Variants in MME observed in about 807,000 individuals in gnomAD.
MME encodes neprilysin.
A neutral mutation model predicts 113.2 loss-of-function variants in MME; 98 were observed. The observed-to-expected ratio is 0.87, with a 90% CI of 0.74 to 1.02. The LOEUF is 1.02. Among genes scored for constraint, MME ranks in the 50% least tolerant of loss-of-function variants. The probability of loss-of-function intolerance (pLI) is 0.00; values close to 1 mark genes in which losing one functional copy is unlikely to be tolerated. For missense variants in MME, 836 were observed against 896.0 expected (o/e 0.93, Z 0.86); for synonymous variants, 292 against 300.6 (o/e 0.97, Z 0.30).
chr3:155,072,167 C>CAAAAAAAAAAA (rs71155031), intron 1 of MME, among the ~76,000 whole-genome samples: 1 of 65,072 alleles, frequency 1.5e-5, no homozygotes, highest in East Asian at 5.5e-4. Flanking sequence ...GACTCCGTCT[C>CAAAAAAAAAAA]AAAAAAAAAA....
At position 155,048,504 on chromosome 3, in the gene MME, T is replaced by C. The variant is rs141234582; in HGVS notation, c.-11+24180T>C. On this transcript the variant is annotated intron_variant, in intron 1 of 22. Coordinates refer to the MME transcript ENST00000492661. ...TTTTGGCATTTGTTTAATGATACCTTTTGTACTTAAATGACAACAAATCTT... is the reference window on the plus strand; with the variant it reads ...TTTTGGCATTTGTTTAATGATACCTCTTGTACTTAAATGACAACAAATCTT... 3.4e-3 allele frequency among the ~76,000 whole-genome samples: 514 copies of C among 152,318 alleles called. 5 individuals are homozygous for C. Among genetic ancestry groups the C allele is most frequent in the African/African-American group, 0.011 (473 of 41,582 alleles).
At chr3:155,130,718 A>T (rs1720079264) in intron 8 of MME, among the ~76,000 whole-genome samples, 1 of 152,186 alleles carries the variant, frequency 6.6e-6, no homozygotes, top group African/African-American at 2.4e-5. Flanking sequence ...TGGAACTGGG[A>T]TTAAACAAGA....
chr3:155,062,780 C>T (rs1032432476), intron 1 of MME, among the ~76,000 whole-genome samples: 6 of 151,802 alleles, frequency 4.0e-5, no homozygotes, highest in Admixed American at 6.6e-5. Context: ...ATTGACTGGG[C>T]GCAGTGGCTC....
chr3:155,089,698 T>A, intron 3 of MME: 1 of 286,138 alleles, frequency 3.5e-6, no homozygotes, highest in South Asian at 3.0e-5. Context: ...CTGAATATGT[T>A]GCCTTATATG....
intron 8 of MME, among the ~76,000 whole-genome samples, chr3:155,119,108 C>A (rs1025613428): frequency 3.3e-5 from 5 of 152,108 alleles, no homozygotes; most frequent in Admixed American, 3.3e-4. Flanking sequence ...TTTAATCCAC[C>A]TGTAAACTGC....
chr3:155,087,754 T>G (rs929830966), intron 3 of MME, among the ~76,000 whole-genome samples: 2 of 152,200 alleles, frequency 1.3e-5, no homozygotes, highest in African/African-American at 2.4e-5. Context: ...AACTGGATTT[T>G]TTGACTAGGT....
intron 8 of MME, among the ~76,000 whole-genome samples, chr3:155,133,056 A>ATATAT (rs1466261014): frequency 7.2e-4 from 61 of 85,292 alleles, no homozygotes; most frequent in African/African-American, 2.4e-3. Flanking sequence ...AAAAAAAAAA[A>ATATAT]AAAAAAATAT....
intron 1 of MME, among the ~76,000 whole-genome samples, chr3:155,048,885 T>A (rs1428918143): frequency 6.6e-6 from 1 of 152,148 alleles, no homozygotes; most frequent in Non-Finnish European, 1.5e-5. Flanking sequence ...TTACATTGCC[T>A]CTAATTGTTT....
chr3:155,126,414 T>C (rs1479723420), intron 8 of MME, among the ~76,000 whole-genome samples: 1 of 152,198 alleles, frequency 6.6e-6, no homozygotes, highest in Non-Finnish European at 1.5e-5. Flanking sequence ...AAAGCTTTTT[T>C]TTTTTCATTG....
chr3:155,036,300 C>T (rs561857142), intron 1 of MME, among the ~76,000 whole-genome samples: 1 of 152,250 alleles, frequency 6.6e-6, no homozygotes, highest in South Asian at 2.1e-4. Flanking sequence ...ATAAAATACA[C>T]CAATTTAAAA....
At chr3:155,127,866 T>C (rs1719814500) in intron 8 of MME, among the ~76,000 whole-genome samples, 1 of 152,266 alleles carries the variant, frequency 6.6e-6, no homozygotes, top group Non-Finnish European at 1.5e-5. Context: ...TGGTACTTCA[T>C]ACTAGTAGAG....
At chr3:155,064,182 G>C (rs1413211436) in intron 1 of MME, among the ~76,000 whole-genome samples, 1 of 152,042 alleles carries the variant, frequency 6.6e-6, no homozygotes, top group East Asian at 1.9e-4. Context: ...CCAGGTAGTC[G>C]GGAGGCTGAG....
At chr3:155,089,305 C>G (rs1716067686) in intron 3 of MME, among the ~76,000 whole-genome samples, 1 of 152,166 alleles carries the variant, frequency 6.6e-6, no homozygotes, top group South Asian at 2.1e-4. Context: ...AGTCTGAATC[C>G]TGAAACTGAT....
intron 1 of MME, among the ~76,000 whole-genome samples, chr3:155,072,648 A>G (rs1714619404): frequency 6.6e-6 from 1 of 152,150 alleles, no homozygotes; most frequent in African/African-American, 2.4e-5. Context: ...TTATGAATGT[A>G]TTACAGTTAT....
chr3:155,107,574 C>G (rs752519855), intron 3 of MME, among the ~76,000 whole-genome samples: 2 of 152,054 alleles, frequency 1.3e-5, no homozygotes, highest in Non-Finnish European at 2.9e-5. Flanking sequence ...TTTCTAGATG[C>G]TTCAAAAAGA....
chr3:155,176,903 G>A lies in MME; in HGVS notation c.2154-3457G>A, dbSNP rs182081873. Among the ~76,000 whole-genome samples, 933 of 152,240 alleles carry A rather than the reference G, an allele frequency of 6.1e-3. 7 individuals carry two copies. Among genetic ancestry groups the A allele is most frequent in the Non-Finnish European group, 9.1e-3 (621 of 68,018 alleles). On this transcript the variant is annotated intron_variant, in intron 22 of 22. Coordinates refer to ENST00000360490, the MANE Select transcript of MME (RefSeq NM_007289.4). The stretch of plus-strand genomic sequence containing the variant: ...AACTAAGAAAGTAAGTGAAGCCCTA[G>A]TGTGTTGTTGATCTATTCAGGATCA...
In MME at chr3:155,029,197, C is replaced by T. The variant is rs147253689; in HGVS notation, c.-11+4873C>T. Among the ~76,000 whole-genome samples the T allele has an allele frequency of 1.8e-3, 268 of 152,110 alleles. 1 individual carries two copies. The highest frequency in any genetic ancestry group is 6.4e-3 in the African/African-American group (264 of 41,554). On this transcript the variant is annotated intron_variant, in intron 1 of 22. Transcript: ENST00000492661. The stretch of plus-strand genomic sequence containing the variant: ...TAATACTACACAAAAAGGAGGAAAC[C>T]AAATTTTACTTTTGTATTAGTGTAT...
At chr3:155,059,991 A>G (rs2108134646) in intron 1 of MME, among the ~76,000 whole-genome samples, 1 of 152,292 alleles carries the variant, frequency 6.6e-6, no homozygotes, top group East Asian at 1.9e-4. Context: ...TCCAAGTAGG[A>G]GTTGTTAATC....
At chr3:155,139,776 CTAGGA>C (rs1720915764) in intron 9 of MME, among the ~76,000 whole-genome samples, 1 of 152,076 alleles carries the variant, frequency 6.6e-6, no homozygotes, top group Non-Finnish European at 1.5e-5. Context: ...TGAATTTTAA[CTAGGA>C]CACCGAATGG....
Sources: allele counts gnomAD v4.1 joint callset (sites outside exome capture counted in the v4.1 genomes callset), GRCh38; gene constraint gnomAD v4.1.1; transcripts MANE v1.5; gene names NCBI Gene and HGNC (gene_info 2026-07-23, HGNC 2026-07-21).